The following SNTG2 variants were observed in gnomAD, a reference collection of about 807,000 sequenced individuals.
The protein encoded by SNTG2 is syntrophin gamma 2.
Under a neutral mutation model 70.9 loss-of-function variants are expected in SNTG2, and 74 were observed. That is an observed-to-expected ratio of 1.04 (90% CI 0.86 to 1.27). The LOEUF (loss-of-function observed/expected upper bound fraction) is 1.27. Among genes scored for constraint, SNTG2 ranks in the 50% most tolerant of loss-of-function variants. SNTG2 has a pLI of 0.00. For synonymous variants in SNTG2, 278 were observed against 273.8 expected, an observed-to-expected ratio of 1.02 and a Z score of -0.15; for missense variants, 717 against 690.7, an observed-to-expected ratio of 1.04 and a Z score of -0.43.
chr2:993,301 T>C (rs1661567131), intron 1 of SNTG2, among the ~76,000 whole-genome samples: 1 of 150,218 alleles, frequency 6.7e-6, no homozygotes. Context: ...GTGGGTTCTT[T>C]TGCTTAGCAT....
intron 14 of SNTG2, among the ~76,000 whole-genome samples, chr2:1,281,324 GGT>G (rs200325582): frequency 0.2 from 1,562 of 7,766 alleles, 220 homozygotes; most frequent in Middle Eastern, 0.36. Context: ...GTGTTTGTGT[GGT>G]GTGTGTGTGT....
intron 8 of SNTG2, among the ~76,000 whole-genome samples, chr2:1,204,248 A>G (rs1054409160): frequency 1.3e-5 from 2 of 152,158 alleles, no homozygotes; most frequent in Admixed American, 1.3e-4. Flanking sequence ...TATATATTTG[A>G]CAAAACTCAT....
intron 1 of SNTG2, among the ~76,000 whole-genome samples, chr2:1,036,545 T>C (rs1661140674): frequency 6.6e-6 from 1 of 152,234 alleles, no homozygotes. Context: ...CTCCCCACTG[T>C]GGTTTTTAAT....
chr2:985,183 G>A (rs1661263837), intron 1 of SNTG2, among the ~76,000 whole-genome samples: 1 of 152,040 alleles, frequency 6.6e-6, no homozygotes, highest in Non-Finnish European at 1.5e-5. Flanking sequence ...AAAACAGCAC[G>A]GACTCCCCTC....
chr2:972,639 G>A (rs1040407077), intron 1 of SNTG2, among the ~76,000 whole-genome samples: 2 of 152,018 alleles, frequency 1.3e-5, no homozygotes, highest in African/African-American at 4.8e-5. Context: ...TTGGATCGTG[G>A]GTGTGGATTT....
chr2:1,138,498 T>G (rs983081581), intron 6 of SNTG2, among the ~76,000 whole-genome samples: 7 of 152,122 alleles, frequency 4.6e-5, no homozygotes, highest in African/African-American at 1.2e-4. Context: ...GCGTGGTCAG[T>G]CTGGTGCCTG....
At chr2:989,234 T>C (rs577748490) in intron 1 of SNTG2, among the ~76,000 whole-genome samples, 1 of 152,336 alleles carries the variant, frequency 6.6e-6, no homozygotes, top group East Asian at 1.9e-4. Flanking sequence ...TTTCCTTCCA[T>C]CTTGCATTGG....
rs184800315 is a variant in SNTG2, at chr2:1,317,309, T to G, written c.1488+934T>G. ...GAGAAGGTTGGGATTCTGGAGCATT[T>G]AGCATCAGGCCAGCATTGGAGAAGG... On this transcript the variant is annotated intron_variant, in intron 16 of 16. Transcript: ENST00000308624. Among the ~76,000 whole-genome samples, 227 of 46,650 alleles carry G rather than the reference T, an allele frequency of 4.9e-3. 2 individuals carry two copies. The highest frequency in any genetic ancestry group is 0.014 in the African/African-American group (176 of 12,164). The allele number at this position is 46,650 out of a possible 152,430, so 30.6% of individuals were successfully genotyped here. A position where few individuals can be genotyped will look rare whatever the true frequency, so the allele number is the denominator to read the frequency against.
chr2:1,157,098 T>C (rs901759234), intron 6 of SNTG2, among the ~76,000 whole-genome samples: 5 of 152,204 alleles, frequency 3.3e-5, no homozygotes, highest in African/African-American at 9.7e-5. Flanking sequence ...CGTACATTAC[T>C]GTTTAGCAGA....
intron 1 of SNTG2, among the ~76,000 whole-genome samples, chr2:1,032,785 A>T (rs1181233103): frequency 1.3e-5 from 2 of 151,826 alleles, no homozygotes; most frequent in Non-Finnish European, 2.9e-5. Context: ...TCATTGGTAG[A>T]TACATCAAGG....
intron 15 of SNTG2, among the ~76,000 whole-genome samples, chr2:1,310,506 C>T (rs751928098): frequency 9.2e-5 from 14 of 152,166 alleles, no homozygotes; most frequent in Non-Finnish European, 1.3e-4. Context: ...CCCTGAGCCC[C>T]GTACCTGCAG....
intron 1 of SNTG2, among the ~76,000 whole-genome samples, chr2:1,034,092 C>T (rs1390576466): frequency 1.4e-5 from 2 of 147,292 alleles, no homozygotes; most frequent in South Asian, 2.1e-4. Flanking sequence ...AGGTATTAAA[C>T]CAGTATCCAG....
chr2:1,124,313 C>T (rs112621481), intron 4 of SNTG2, among the ~76,000 whole-genome samples: 15 of 147,988 alleles, frequency 1.0e-4, no homozygotes, highest in East Asian at 4.1e-4. Context: ...TAATTTTTCT[C>T]AGACAGAGGC....
chr2:1,293,982 C>G (rs1204214156), intron 14 of SNTG2, among the ~76,000 whole-genome samples: 1 of 152,192 alleles, frequency 6.6e-6, no homozygotes. Flanking sequence ...AACAGCCCAA[C>G]GCTGGGGTCC....
chr2:1,177,141 A>G (rs920978895), intron 8 of SNTG2, among the ~76,000 whole-genome samples: 1 of 152,246 alleles, frequency 6.6e-6, no homozygotes, highest in African/African-American at 2.4e-5. Context: ...ATGGAATACT[A>G]TGCAGCCATA....
chr2:1,006,422 A>G (rs1206968951), intron 1 of SNTG2, among the ~76,000 whole-genome samples: 1 of 151,548 alleles, frequency 6.6e-6, no homozygotes, highest in Non-Finnish European at 1.5e-5. Context: ...AGAAAATTCT[A>G]TTAATACGTA....
intron 8 of SNTG2, among the ~76,000 whole-genome samples, chr2:1,174,229 A>T (rs1004151961): frequency 6.6e-6 from 1 of 152,132 alleles, no homozygotes; most frequent in African/African-American, 2.4e-5. Context: ...GCCTGCCCAG[A>T]GATATAAGGC....
intron 16 of SNTG2, among the ~76,000 whole-genome samples, chr2:1,361,755 TCACCGATGCTGAG>T: frequency 5.3e-5 from 8 of 151,922 alleles, no homozygotes; most frequent in Non-Finnish European, 8.8e-5. Flanking sequence ...TCCATGAAGG[TCACCGATGCTGAG>T]CATTTCAGTA....
intron 14 of SNTG2, among the ~76,000 whole-genome samples, chr2:1,276,167 A>C (rs956036794): frequency 2.6e-5 from 4 of 152,244 alleles, no homozygotes; most frequent in African/African-American, 9.6e-5. Context: ...AGCTGCAGCA[A>C]GTTCTCCAGA....
Sources: allele counts gnomAD v4.1 joint callset (sites outside exome capture counted in the v4.1 genomes callset), GRCh38; gene constraint gnomAD v4.1.1; transcripts MANE v1.5; gene names NCBI Gene and HGNC (gene_info 2026-07-23, HGNC 2026-07-21).